Variants in UNC80 observed in about 807,000 individuals in gnomAD.
UNC80 encodes the protein unc-80 subunit of NALCN channel complex.
UNC80 carries 164 observed loss-of-function variants against 384.6 expected under a neutral mutation model. The observed-to-expected ratio is 0.43, with a 90% CI of 0.38 to 0.49. The LOEUF (loss-of-function observed/expected upper bound fraction) is 0.49, where lower values mean the gene tolerates loss of function less well. UNC80 is among the 20% of genes least tolerant of loss of function. The probability of loss-of-function intolerance (pLI) is 0.00; values close to 1 mark genes in which losing one functional copy is unlikely to be tolerated. For synonymous variants in UNC80, 1,486 were observed against 1,527.8 expected (o/e 0.97, Z 0.64); for missense variants, 3,330 against 4,143.0 (o/e 0.80, Z 5.39).
In UNC80 at chr2:209,993,422, G is replaced by A. The variant is rs376511864; in HGVS notation, c.9504G>A (p.Pro3168=). Residue 3168 remains proline, a synonymous_variant, in exon 63 of 65, where the codon CCG becomes CCA. Transcript: ENST00000673920. ...GGAGCATTCAACCTAAAACGAAGCC[G>A]TCTGGTGAGGCCTCCTGTGTCCCTT... ...TRRSIQPKTK[P]SADQKRSVTF... 447 of 1,551,242 alleles carry A rather than the reference G, an allele frequency of 2.9e-4. No homozygotes were observed. The highest frequency in any genetic ancestry group is 4.7e-4 in the Admixed American group (24 of 50,984).
chr2:209,955,167 T>C (rs2124995805), intron 48 of UNC80, among the ~76,000 whole-genome samples: 1 of 152,164 alleles, frequency 6.6e-6, no homozygotes, highest in South Asian at 2.1e-4. Flanking sequence ...TGCCATGCTG[T>C]GTGTCCAATC....
chr2:209,912,108 A>G (rs1433262310), intron 29 of UNC80, among the ~76,000 whole-genome samples: 2 of 152,198 alleles, frequency 1.3e-5, no homozygotes, highest in Non-Finnish European at 2.9e-5. Flanking sequence ...TGACCAAGTC[A>G]TTCAACTTGC....
intron 22 of UNC80, among the ~76,000 whole-genome samples, chr2:209,851,907 C>G (rs929689071): frequency 1.3e-5 from 2 of 151,986 alleles, no homozygotes; most frequent in African/African-American, 4.8e-5. Context: ...TACTTTAAAG[C>G]ATGCAATAAT....
At chr2:209,780,940 G>C (rs1226390159) in intron 4 of UNC80, among the ~76,000 whole-genome samples, 1 of 152,126 alleles carries the variant, frequency 6.6e-6, no homozygotes, top group Non-Finnish European at 1.5e-5. Context: ...ATGCTGCTGG[G>C]GAAACCACAC....
intron 7 of UNC80, among the ~76,000 whole-genome samples, chr2:209,811,787 T>G (rs2079370410): frequency 6.6e-6 from 1 of 152,186 alleles, no homozygotes; most frequent in African/African-American, 2.4e-5. Flanking sequence ...CACAGGCAAT[T>G]GTACCTCAAT....
At position 209,926,914 on chromosome 2, in the gene UNC80, T is replaced by A. The variant is rs747648160; in HGVS notation, c.5734T>A (p.Cys1912Ser). ...PQPPQAVFPA[C>S]ICAAVLPIVH... ...GCCCCCACAAGCAGTGTTCCCAGCA[T>A]GCATCTGTGCAGCAGTACTTCCCAT... Residue 1912 changes from cysteine (C) to serine (S), a missense_variant, in exon 36 of 65, where the codon TGC becomes AGC. Physicochemically the swap from Cys to Ser is moderately radical, Grantham distance 112. Coordinates refer to ENST00000673920, the MANE Select transcript of UNC80 (RefSeq NM_001371986.1). The A allele has an allele frequency of 2.6e-6, 4 of 1,552,254 alleles. No homozygotes were observed. The South Asian group carries it at 4.8e-5, about 18-fold the overall frequency.
At chr2:209,958,364 T>G (rs548980169) in intron 49 of UNC80, among the ~76,000 whole-genome samples, 1 of 152,194 alleles carries the variant, frequency 6.6e-6, no homozygotes, top group Non-Finnish European at 1.5e-5. Context: ...AAAATCAGCT[T>G]AAGAAAAAGT....
chr2:209,987,519 G>A lies in UNC80; in HGVS notation c.9314+2607G>A, dbSNP rs73984315. On this transcript the variant is annotated intron_variant, in intron 61 of 64. Coordinates refer to ENST00000673920, the MANE Select transcript of UNC80 (RefSeq NM_001371986.1). ...CTTCTCTGTCTCTGCCGTGAAACAC[G>A]CACACATATCCATGGACATGTTTTC... Among the ~76,000 whole-genome samples the A allele has an allele frequency of 8.1e-3, 1,237 of 152,228 alleles. 20 individuals carry two copies. Among genetic ancestry groups the A allele is most frequent in the African/African-American group, 0.028 (1,164 of 41,508 alleles).
intron 28 of UNC80, among the ~76,000 whole-genome samples, chr2:209,904,140 A>C (rs963208658): frequency 1.3e-5 from 2 of 152,226 alleles, no homozygotes; most frequent in Non-Finnish European, 2.9e-5. Context: ...TGGGAGAATT[A>C]TAGGAGATGT....
At chr2:209,879,949 A>G (rs867219929) in intron 24 of UNC80, among the ~76,000 whole-genome samples, 2 of 152,238 alleles carry the variant, frequency 1.3e-5, no homozygotes, top group Non-Finnish European at 1.5e-5. Context: ...TATGTATTCT[A>G]TTCAATTAAG....
In UNC80 at chr2:209,943,420, C is replaced by T. The variant is rs961768643; in HGVS notation, c.6956C>T (p.Ala2319Val). 8 of 1,552,188 alleles carry T rather than the reference C, an allele frequency of 5.2e-6. No individual in the cohort carries two copies. The Admixed American group carries it at 7.8e-5, about 15-fold the overall frequency. ...DYESNPQLRQ[A>V]IEFACHQFYI... ...GAAAGCAATCCCCAGCTGCGTCAAG[C>T]CATCGAATTTGCCTGTCACCAGTTC... Residue 2319 changes from alanine (A) to valine (V), a missense_variant, in exon 45 of 65, where the codon GCC becomes GTC. By Grantham distance (64) the Ala-to-Val change is moderately conservative (BLOSUM62 0). This residue lies in a region of UNC80 where 1,049 missense variants were observed against 1,488.6 expected (regional missense o/e 0.70). Coordinates refer to ENST00000673920, the MANE Select transcript of UNC80 (RefSeq NM_001371986.1).
chr2:209,784,718 G>C, intron 4 of UNC80, among the ~76,000 whole-genome samples: 1 of 152,186 alleles, frequency 6.6e-6, no homozygotes, highest in East Asian at 1.9e-4. Flanking sequence ...ACTACGAACA[G>C]AGATTTTTGT....
intron 15 of UNC80, among the ~76,000 whole-genome samples, chr2:209,830,987 C>T (rs1033672543): frequency 6.6e-6 from 1 of 152,152 alleles, no homozygotes; most frequent in Non-Finnish European, 1.5e-5. Context: ...GTTGGCCCCA[C>T]CTTATTCCAC....
At chr2:209,772,234 C>A (rs1193179140) in intron 1 of UNC80, 70 bp downstream of exon 1, 2 of 896,228 alleles carry the variant, frequency 2.2e-6, no homozygotes, top group African/African-American at 1.8e-5. Context: ...CCCGGGTCGC[C>A]GCTGCCGCCG....
intron 12 of UNC80, 34 bp from the exon 13 acceptor site, chr2:209,820,277 C>G: frequency 6.7e-7 from 1 of 1,489,090 alleles, no homozygotes; most frequent in Non-Finnish European, 8.9e-7. Context: ...GTGCAGGTAA[C>G]TTAATCATGC....
intron 7 of UNC80, among the ~76,000 whole-genome samples, chr2:209,801,061 T>A (rs1180500752): frequency 6.6e-6 from 1 of 152,204 alleles, no homozygotes. Context: ...TGTAAACGTC[T>A]ACTAAGTCTG....
intron 26 of UNC80, among the ~76,000 whole-genome samples, chr2:209,890,254 C>A (rs913201025): frequency 3.3e-5 from 5 of 152,118 alleles, no homozygotes; most frequent in African/African-American, 1.2e-4. Context: ...AGTGATGCAT[C>A]ATTTCTTAAA....
chr2:209,780,436 G>A (rs1488433228), intron 4 of UNC80, among the ~76,000 whole-genome samples: 1 of 152,104 alleles, frequency 6.6e-6, no homozygotes, highest in African/African-American at 2.4e-5. Context: ...AGTAATTTTG[G>A]CCACAAGGGC....
At chr2:209,813,944 T>C in intron 8 of UNC80, 103 bp downstream of exon 8, 2 of 1,412,286 alleles carry the variant, frequency 1.4e-6, no homozygotes, top group Non-Finnish European at 1.9e-6. Context: ...GTGCTGACTT[T>C]TTGGTTGGTG....
Sources: gnomAD v4.1 joint callset for allele counts (sites outside exome capture counted in the v4.1 genomes callset) on GRCh38, gnomAD v4.1.1 for gene constraint, gnomAD v4.1.1 regional missense constraint, MANE v1.5 for transcripts, NCBI Gene and HGNC (gene_info 2026-07-23, HGNC 2026-07-21) for gene names.